Variants in WDHD1 observed in about 807,000 individuals in gnomAD.
WDHD1 encodes WD repeat and HMG-box DNA binding protein 1.
A neutral mutation model predicts 135.4 loss-of-function variants in WDHD1; 111 were observed. The ratio of observed to expected loss-of-function variants is 0.82; its 90% confidence interval spans 0.70 to 0.96. The LOEUF (loss-of-function observed/expected upper bound fraction) is 0.96, where lower values mean the gene tolerates loss of function less well. Among genes scored for constraint, WDHD1 ranks in the 40% least tolerant of loss-of-function variants. WDHD1 has a pLI of 0.00. For synonymous variants in WDHD1, 434 were observed against 439.0 expected (o/e 0.99, Z 0.14); for missense variants, 1,351 against 1,336.3 (o/e 1.01, Z -0.17).
intron 15 of WDHD1, among the ~76,000 whole-genome samples, chr14:54,982,092 C>T (rs1456254681): frequency 1.3e-5 from 2 of 151,844 alleles, no homozygotes; most frequent in South Asian, 2.1e-4. Flanking sequence ...CTGCAAGCTC[C>T]GCCTTCCAGG....
chr14:55,013,018 T>A (rs2042196266), intron 3 of WDHD1, among the ~76,000 whole-genome samples: 1 of 152,070 alleles, frequency 6.6e-6, no homozygotes, highest in South Asian at 2.1e-4. Context: ...CCTGCATTTA[T>A]TTTAATTGGT....
At position 55,007,090 on chromosome 14, in the gene WDHD1, T is replaced by C. The variant is rs1035365457; in HGVS notation, c.600+190A>G. 3.2e-4 allele frequency among the ~76,000 whole-genome samples: 48 copies of C among 152,064 alleles called. 1 individual carries two copies. Among genetic ancestry groups the C allele is most frequent in the African/African-American group, 1.1e-3 (47 of 41,482 alleles). ...AAAAATACAAAAAATTAGCTGGGCA[T>C]GGCAGTGTGCACCTGTAATCCCAGC... On this transcript the variant is annotated intron_variant, in intron 7 of 25. Transcript: ENST00000360586.
chr14:55,001,971 C>T (rs2041987367), intron 8 of WDHD1, 122 bp downstream of exon 8: 1 of 685,746 alleles, frequency 1.5e-6, no homozygotes, highest in African/African-American at 1.8e-5. Context: ...AGAAGATGGA[C>T]CACATACAAC....
Position 54,962,548 on chromosome 14 carries a change from T to C in WDHD1, c.2651A>G (p.Gln884Arg), listed in dbSNP as rs764551315. Residue 884 changes from glutamine (Q) to arginine (R), a missense_variant, in exon 21 of 26, where the codon CAG becomes CGG. Around this residue, in one of 2 missense-constraint regions of WDHD1, gnomAD observed 1,330 missense variants for 1,296.1 expected, o/e 1.03. Transcript: ENST00000360586. Reference sequence around the variant, plus strand: ...ATTTGTACTTTTGGAAAACGAGTTCTGTCCTACAGATTAAAATAAAGCAAT... The same window carrying C: ...ATTTGTACTTTTGGAAAACGAGTTCCGTCCTACAGATTAAAATAAAGCAAT... ...EEKPEIHKPG[Q>R]NSFSKSTNSS... 1.9e-6 allele frequency: 3 copies of C among 1,608,498 alleles called. No individual in the cohort carries two copies. The highest frequency in any genetic ancestry group is 2.6e-6 in the Non-Finnish European group (3 of 1,176,126).
intron 23 of WDHD1, among the ~76,000 whole-genome samples, chr14:54,956,251 T>C (rs1180266484): frequency 1.3e-5 from 2 of 152,052 alleles, no homozygotes; most frequent in Admixed American, 1.3e-4. Context: ...ATCAGAACTA[T>C]CTGGGTGATT....
At chr14:55,007,244 A>AT in intron 7 of WDHD1, 36 bp downstream of exon 7, 1 of 1,495,826 alleles carries the variant, frequency 6.7e-7, no homozygotes, top group Non-Finnish European at 9.0e-7. Context: ...AAAAAAAAAA[A>AT]AAAAAGAAAA....
intron 16 of WDHD1, among the ~76,000 whole-genome samples, chr14:54,969,114 C>G (rs1566717694): frequency 6.6e-6 from 1 of 152,116 alleles, no homozygotes; most frequent in Non-Finnish European, 1.5e-5. Context: ...TCTCGGCTCA[C>G]TGCAAGCTCC....
chr14:54,977,731 C>G (rs2041548729), intron 16 of WDHD1, among the ~76,000 whole-genome samples: 1 of 151,988 alleles, frequency 6.6e-6, no homozygotes, highest in African/African-American at 2.4e-5. Flanking sequence ...CTAGTATAGA[C>G]GGTTTCTAAA....
In WDHD1 at chr14:54,940,179, A is replaced by G. The variant is rs1347507467; in HGVS notation, c.*1311T>C. ...AACCTATAAAGTAGGTACTATCATTATATCCATTTTACAGATGAGTGAATG... is the reference window on the plus strand; with the variant it reads ...AACCTATAAAGTAGGTACTATCATTGTATCCATTTTACAGATGAGTGAATG... On this transcript the variant is annotated 3_prime_UTR_variant, in exon 26 of 26. Transcript: ENST00000360586. The G allele has an allele frequency of 6.6e-6, 1 of 152,178 alleles. No individual in the cohort carries two copies. Among genetic ancestry groups the G allele is most frequent in the Non-Finnish European group, 1.5e-5 (1 of 68,028 alleles). The allele number at this position is 152,178 out of a possible 1,614,324, so 9.4% of individuals were successfully genotyped here.
At chr14:54,984,950 T>TA (rs1432026910) in intron 14 of WDHD1, 90 bp from the exon 15 acceptor site, 13 of 1,524,076 alleles carry the variant, frequency 8.5e-6, no homozygotes, top group Non-Finnish European at 1.8e-6. Flanking sequence ...GATTTTGTGG[T>TA]AAATTACTAG....
At chr14:54,957,852 A>T (rs2041185676) in intron 21 of WDHD1, among the ~76,000 whole-genome samples, 1 of 152,252 alleles carries the variant, frequency 6.6e-6, no homozygotes, top group Non-Finnish European at 1.5e-5. Flanking sequence ...TATGAAACAT[A>T]TTCAGTATGT....
Position 54,957,108 on chromosome 14 carries a change from C to T in WDHD1, c.2842G>A (p.Ala948Thr). The T allele has an allele frequency of 6.2e-7, 1 of 1,614,088 alleles. No homozygotes were observed. The highest frequency in any genetic ancestry group is 8.5e-7 in the Non-Finnish European group (1 of 1,179,998). Reference sequence around the variant, plus strand: ...TCATTATTTGTAGTTCGACTAAGTGCAGTGGATTTCTTGGATGATTTGCCC... The same window carrying T: ...TCATTATTTGTAGTTCGACTAAGTGTAGTGGATTTCTTGGATGATTTGCCC... The part of the protein sequence containing the change: ...NMGKSSKKST[A>T]LSRTTNNEKS... The change falls in exon 23 of 26, where the codon GCA (alanine) becomes ACA (threonine). Residue 948 changes from alanine (A) to threonine (T), a missense_variant. By Grantham distance (58) the Ala-to-Thr change is moderately conservative (BLOSUM62 0). Around this residue, in one of 2 missense-constraint regions of WDHD1, gnomAD observed 1,330 missense variants for 1,296.1 expected, o/e 1.03. Transcript: ENST00000360586.
intron 4 of WDHD1, 79 bp from the exon 5 acceptor site, chr14:55,008,798 T>C: frequency 7.3e-6 from 2 of 273,514 alleles, no homozygotes; most frequent in Non-Finnish European, 1.2e-5. Context: ...CAAATATTTC[T>C]TTTTTTTTTT....
intron 3 of WDHD1, among the ~76,000 whole-genome samples, chr14:55,012,915 C>T (rs2042194599): frequency 6.6e-6 from 1 of 152,074 alleles, no homozygotes; most frequent in Admixed American, 6.6e-5. Context: ...TAGGGGAACA[C>T]ATTCAAATCA....
intron 16 of WDHD1, among the ~76,000 whole-genome samples, chr14:54,975,695 A>G (rs1946793824): frequency 6.6e-6 from 1 of 151,314 alleles, no homozygotes; most frequent in South Asian, 2.1e-4. Flanking sequence ...TATTGACTTA[A>G]ATTAATGCTT....
intron 18 of WDHD1, among the ~76,000 whole-genome samples, chr14:54,964,951 A>G (rs2041317602): frequency 6.6e-6 from 1 of 152,262 alleles, no homozygotes; most frequent in Non-Finnish European, 1.5e-5. Context: ...TATAAAAGGA[A>G]TAAAACTTTT....
At chr14:55,003,768 T>C (rs189468315) in intron 7 of WDHD1, among the ~76,000 whole-genome samples, 1 of 152,048 alleles carries the variant, frequency 6.6e-6, no homozygotes. Flanking sequence ...CTTATCATGT[T>C]GGCCAGGCTG....
At chr14:55,011,029 G>A (rs1053986281) in intron 3 of WDHD1, among the ~76,000 whole-genome samples, 3 of 152,238 alleles carry the variant, frequency 2.0e-5, no homozygotes, top group African/African-American at 7.2e-5. Flanking sequence ...CTTGGGAAGA[G>A]CCAACCATGA....
Position 54,987,262 on chromosome 14 carries a change from G to A in WDHD1, c.1652C>T (p.Ala551Val). 1 of 1,614,000 alleles carries A rather than the reference G, an allele frequency of 6.2e-7. No individual in the cohort carries two copies. Among genetic ancestry groups the A allele is most frequent in the Non-Finnish European group, 8.5e-7 (1 of 1,180,002 alleles). ...AATAGTAAACAATCGAAGAAGCAGG[G>A]CACTAGTAGCGGCAGCAGCCCATCC... ...GQGWAAAATS[A>V]LLLRLFTIGG... is the part of the protein sequence containing the mutation. The change falls in exon 14 of 26, where the codon GCC (alanine) becomes GTC (valine). Residue 551 changes from alanine to valine, a missense_variant. Transcript: ENST00000360586.
Sources: allele counts gnomAD v4.1 joint callset (sites outside exome capture counted in the v4.1 genomes callset), GRCh38; gene constraint gnomAD v4.1.1; regional missense constraint gnomAD v4.1.1; transcripts MANE v1.5; gene names NCBI Gene and HGNC (gene_info 2026-07-23, HGNC 2026-07-21).